MSTO1: variants seen among roughly 807,000 people sequenced by gnomAD.
The protein encoded by MSTO1 is protein misato homolog 1.
A neutral mutation model predicts 55.7 loss-of-function variants in MSTO1; 24 were observed. The observed-to-expected ratio is 0.43, with a 90% CI of 0.31 to 0.61. The LOEUF (loss-of-function observed/expected upper bound fraction) is 0.61, where lower values mean the gene tolerates loss of function less well. Ranked by LOEUF, MSTO1 falls within the 20% of genes least tolerant of loss-of-function variation. The pLI is 0.09. For missense variants in MSTO1, 363 were observed against 625.7 expected, an observed-to-expected ratio of 0.58 and a Z score of 4.48; for synonymous variants, 162 against 252.8, an observed-to-expected ratio of 0.64 and a Z score of 3.41.
At chr1:155,568,582 A>T in the MSTO1 span, among the ~76,000 whole-genome samples, 1 of 150,554 alleles carries the variant, frequency 6.6e-6, no homozygotes, top group Non-Finnish European at 1.5e-5. Flanking sequence ...GGGATTACAG[A>T]TGCTCGCCAC....
rs949510145 is a variant in MSTO1 at position 155,612,402 on chromosome 1, ACT to A, written c.814-13_814-12del. 6.2e-7 allele frequency: 1 copy of A among 1,605,236 alleles called. No homozygotes were observed. On this transcript the variant is annotated splice_polypyrimidine_tract_variant and intron_variant, in intron 8 of 13. Transcript: ENST00000245564. ...GTGGGAGAGCTGCTTAATACAAACTACTCTTTCTTCACCAGGAGGCCCAGAGA... is the reference window on the plus strand; with the variant it reads ...GTGGGAGAGCTGCTTAATACAAACTACTTTCTTCACCAGGAGGCCCAGAGA...
the MSTO1 span, among the ~76,000 whole-genome samples, chr1:155,587,495 G>C: frequency 2.7e-5 from 4 of 146,698 alleles, no homozygotes; most frequent in Admixed American, 2.7e-4. Context: ...TGTAATCCCA[G>C]CACTTTGGGA....
the MSTO1 span, among the ~76,000 whole-genome samples, chr1:155,578,575 A>G: frequency 3.2e-5 from 4 of 124,744 alleles, no homozygotes; most frequent in South Asian, 5.0e-4. Context: ...CAGTGGCACA[A>G]TCTCGGCTCA....
the MSTO1 span, among the ~76,000 whole-genome samples, chr1:155,575,327 T>C: frequency 1.3e-5 from 2 of 152,178 alleles, no homozygotes; most frequent in Admixed American, 6.6e-5. Flanking sequence ...GGTATCTCAT[T>C]GTGGTTTTTA....
chr1:155,580,907 CAAAA>C, the MSTO1 span, among the ~76,000 whole-genome samples: 16 of 91,662 alleles, frequency 1.7e-4, no homozygotes, highest in South Asian at 3.5e-4. Context: ...GACTCTGTCT[CAAAA>C]AAAAAAAAAA....
chr1:155,590,787 C>T, the MSTO1 span: 5 of 1,606,746 alleles, frequency 3.1e-6, no homozygotes, highest in Non-Finnish European at 3.4e-6. Flanking sequence ...AGGCCCCCAG[C>T]TCCCACTTTT....
rs377461951 is a variant in MSTO1 at position 155,612,172 on chromosome 1, C to A, written c.679-10C>A. 2.5e-6 allele frequency: 4 copies of A among 1,613,818 alleles called. No homozygotes were observed. Among genetic ancestry groups the A allele is most frequent in the Non-Finnish European group, 2.5e-6 (3 of 1,179,854 alleles). On this transcript the variant is annotated splice_polypyrimidine_tract_variant and intron_variant, in intron 7 of 13. Coordinates refer to ENST00000245564, the MANE Select transcript of MSTO1 (RefSeq NM_018116.4). ...CTGCTAACTATCTTTTGTCACTCAC[C>A]CCCGTCCAGGGCTTCCAGATCCTGT...
chr1:155,613,066 A>G lies in MSTO1; in HGVS notation c.1116A>G (p.Ala372=). ...CTCTTTAGGTGGTGACAGCAGGAGCAATCATCCCTTTCCCCTTGGCTCCAG... is the reference window on the plus strand; with the variant it reads ...CTCTTTAGGTGGTGACAGCAGGAGCGATCATCCCTTTCCCCTTGGCTCCAG... ...FCGKKVVTAG[A]IIPFPLAPGQ... Residue 372 remains alanine, a synonymous_variant, in exon 11 of 14, where the codon GCA becomes GCG. Transcript: ENST00000245564. The G allele has an allele frequency of 6.2e-7, 1 of 1,613,688 alleles. No individual in the cohort carries two copies. Among genetic ancestry groups the G allele is most frequent in the South Asian group, 1.1e-5 (1 of 91,058 alleles).
the MSTO1 span, among the ~76,000 whole-genome samples, chr1:155,603,466 A>G: frequency 6.6e-6 from 1 of 152,210 alleles, no homozygotes; most frequent in Non-Finnish European, 1.5e-5. Flanking sequence ...CAGAATTAAT[A>G]TACTTCAGTA....
chr1:155,592,590 G>C, the MSTO1 span, among the ~76,000 whole-genome samples: 2 of 151,610 alleles, frequency 1.3e-5, no homozygotes, highest in East Asian at 1.9e-4. Context: ...GCTTCACTCT[G>C]TTTCCCAGGC....
At chr1:155,576,536 A>G in the MSTO1 span, among the ~76,000 whole-genome samples, 3 of 150,896 alleles carry the variant, frequency 2.0e-5, no homozygotes, top group Admixed American at 2.0e-4. Context: ...CATGTTGGCC[A>G]TGATGGTCTC....
the MSTO1 span, among the ~76,000 whole-genome samples, chr1:155,573,908 G>T: frequency 2.0e-5 from 3 of 151,542 alleles, no homozygotes; most frequent in Non-Finnish European, 2.9e-5. Flanking sequence ...CTGTTAAATA[G>T]TTGTATCAAT....
the MSTO1 span, among the ~76,000 whole-genome samples, chr1:155,601,283 G>A: frequency 2.0e-5 from 3 of 151,236 alleles, no homozygotes; most frequent in Non-Finnish European, 4.4e-5. Context: ...ACAGGCACCT[G>A]CCACCACGCC....
the MSTO1 span, among the ~76,000 whole-genome samples, chr1:155,592,310 A>G: frequency 6.6e-6 from 1 of 152,128 alleles, no homozygotes; most frequent in Non-Finnish European, 1.5e-5. Context: ...TAAGGTGGGG[A>G]GGGAGAGATA....
the MSTO1 span, among the ~76,000 whole-genome samples, chr1:155,600,556 C>CTTTTTTTTTTTT: frequency 1.7e-4 from 26 of 149,986 alleles, no homozygotes; most frequent in African/African-American, 6.5e-4. Context: ...TTTTTTCTTT[C>CTTTTTTTTTTTT]TTTTTTTTTG....
At chr1:155,572,201 C>G in the MSTO1 span, among the ~76,000 whole-genome samples, 2 of 152,094 alleles carry the variant, frequency 1.3e-5, no homozygotes, top group Non-Finnish European at 2.9e-5. Context: ...AGCAACATAC[C>G]TGGCCTCTAC....
At chr1:155,582,674 T>C in the MSTO1 span, among the ~76,000 whole-genome samples, 2 of 151,924 alleles carry the variant, frequency 1.3e-5, no homozygotes, top group Non-Finnish European at 2.9e-5. Context: ...TTGGCCAGGC[T>C]GATCTTGAAC....
At chr1:155,609,217 GTATATATATA>G (rs777579171), upstream of MSTO1, among the ~76,000 whole-genome samples, 32 of 84,520 alleles carry the variant, frequency 3.8e-4, no homozygotes, top group African/African-American at 9.3e-4. Flanking sequence ...ATTATCAGCA[GTATATATATA>G]TATATATATA....
the MSTO1 span, among the ~76,000 whole-genome samples, chr1:155,573,933 C>T: frequency 6.6e-6 from 1 of 151,546 alleles, no homozygotes; most frequent in Non-Finnish European, 1.5e-5. Context: ...TGAATGAGAT[C>T]GATGTGGATA....
Sources: gnomAD v4.1 joint callset for allele counts (sites outside exome capture counted in the v4.1 genomes callset) on GRCh38, gnomAD v4.1.1 for gene constraint, MANE v1.5 for transcripts, NCBI Gene and HGNC (gene_info 2026-07-23, HGNC 2026-07-21) for gene names.